The following BSCL2 variants were observed in gnomAD, a reference collection of about 807,000 sequenced individuals.
BSCL2 encodes the protein BSCL2 lipid droplet biogenesis associated, seipin.
BSCL2 carries 41 observed loss-of-function variants against 57.4 expected under a neutral mutation model. The observed-to-expected ratio is 0.71, with a 90% CI of 0.56 to 0.93. The LOEUF is 0.93. BSCL2 is among the 40% of genes least tolerant of loss of function. The pLI is 0.00. For synonymous variants in BSCL2, 237 were observed against 227.3 expected, an observed-to-expected ratio of 1.04 and a Z score of -0.38; for missense variants, 539 against 586.7, an observed-to-expected ratio of 0.92 and a Z score of 0.84.
upstream of BSCL2, chr11:62,707,486 C>A: frequency 3.1e-6 from 2 of 652,116 alleles, no homozygotes; most frequent in Non-Finnish European, 2.8e-6. Flanking sequence ...GCCCAGACCA[C>A]GCCATTTGAG....
At chr11:62,702,346 G>A (rs1315003642) in intron 3 of BSCL2, 122 bp downstream of exon 3, 9 of 885,328 alleles carry the variant, frequency 1.0e-5, no homozygotes, top group South Asian at 2.8e-5. Flanking sequence ...GATTACAGGC[G>A]TGAGCCACCG....
upstream of BSCL2, chr11:62,709,146 C>G: frequency 2.1e-6 from 1 of 476,896 alleles, no homozygotes; most frequent in Non-Finnish European, 4.1e-6. Flanking sequence ...CTCAGTCTCA[C>G]CTGGAGCTAC....
At chr11:62,694,828 T>C (rs1272978428) in intron 3 of BSCL2, 117 bp from the exon 4 acceptor site, 2 of 1,271,778 alleles carry the variant, frequency 1.6e-6, no homozygotes, top group Non-Finnish European at 2.2e-6. Flanking sequence ...ACAACCCTCT[T>C]GGGTAGCCTA....
At chr11:62,692,893 C>T (rs1045796236) in intron 4 of BSCL2, 96 bp from the exon 5 acceptor site, 12 of 1,533,800 alleles carry the variant, frequency 7.8e-6, no homozygotes, top group East Asian at 2.3e-5. Context: ...TCTATGAAGG[C>T]GGCTTCTTCC....
chr11:62,695,134 T>C (rs998164530), intron 3 of BSCL2, among the ~76,000 whole-genome samples: 1 of 152,202 alleles, frequency 6.6e-6, no homozygotes, highest in African/African-American at 2.4e-5. Flanking sequence ...TCTGGCACAG[T>C]CATCCTCGCT....
intron 4 of BSCL2, 148 bp downstream of exon 4, chr11:62,694,420 G>T: frequency 8.4e-7 from 1 of 1,191,246 alleles, no homozygotes; most frequent in Non-Finnish European, 1.2e-6. Flanking sequence ...GCCCAGGCCA[G>T]TCTTGAACTC....
upstream of BSCL2, chr11:62,708,487 T>C: frequency 8.2e-7 from 1 of 1,226,264 alleles, no homozygotes; most frequent in South Asian, 1.2e-5. Context: ...GTTCTTTCCT[T>C]CACTCCCTGA....
At chr11:62,695,102 G>C (rs1415039257) in intron 3 of BSCL2, among the ~76,000 whole-genome samples, 1 of 152,168 alleles carries the variant, frequency 6.6e-6, no homozygotes, top group Admixed American at 6.5e-5. Flanking sequence ...AGCACTGACA[G>C]TGCTCAGTCT....
At chr11:62,706,241 ACAGGGCTGC>A in intron 1 of BSCL2, 1 of 1,087,646 alleles carries the variant, frequency 9.2e-7, no homozygotes, top group Non-Finnish European at 1.1e-6. Context: ...GCCGGCTGCC[ACAGGGCTGC>A]CGACTCACCA....
Position 62,691,392 on chromosome 11 carries a change from C to T in BSCL2, c.893G>A (p.Cys298Tyr). 6.2e-7 allele frequency: 1 copy of T among 1,614,158 alleles called. No homozygotes were observed. Among genetic ancestry groups the T allele is most frequent in the Admixed American group, 1.7e-5 (1 of 60,012 alleles). Residue 298 changes from cysteine to tyrosine, a missense_variant, in exon 7 of 11, where the codon TGC becomes TAC. Physicochemically the swap from Cys to Tyr is radical, Grantham distance 194. Around this residue, in one of 3 missense-constraint regions of BSCL2, gnomAD observed 248 missense variants for 239.9 expected, o/e 1.03. Coordinates refer to ENST00000360796, the MANE Select transcript of BSCL2 (RefSeq NM_001122955.4). ...GTTGCTGGCAACACCTATGAAGGCG[C>T]AGGTCATCGGGAAGTTGTATAGCAG... ...RYLLYNFPMT[C>Y]AFIGVASNFT...
intron 3 of BSCL2, among the ~76,000 whole-genome samples, chr11:62,698,924 T>A (rs1590877773): frequency 6.6e-6 from 1 of 152,210 alleles, no homozygotes; most frequent in African/African-American, 2.4e-5. Context: ...TTATTTATTT[T>A]GAGATGGAGT....
upstream of BSCL2, chr11:62,707,787 T>A (rs1187429169): frequency 8.4e-5 from 22 of 262,114 alleles, no homozygotes; most frequent in Non-Finnish European, 1.5e-5. Context: ...TTTCGTATAG[T>A]CACTGCTTCT....
Position 62,707,136 on chromosome 11 carries a change from G to C in BSCL2, c.60C>G (p.Asp20Glu), listed in dbSNP as rs115116507. The part of the protein sequence containing the change: ...EEAGEKEVCG[D>E]QIKGPDKEEE... ...CCTCTTTGTCCGGTCCTTTGATCTG[G>C]TCTCCGCACACCTCTTTTTCCCCAG... Residue 20 changes from aspartate (D) to glutamate (E), a missense_variant, in exon 1 of 11, where the codon GAC becomes GAG. Physicochemically the swap from Asp to Glu is conservative, Grantham distance 45 (BLOSUM62 2). Around this residue, in one of 3 missense-constraint regions of BSCL2, gnomAD observed 218 missense variants for 224.8 expected, o/e 0.97. Transcript: ENST00000360796. 10,689 of 1,554,368 alleles carry C rather than the reference G, an allele frequency of 6.9e-3. 622 individuals are homozygous for C. In the African/African-American group the frequency reaches 0.13, roughly 19 times the overall value.
intron 3 of BSCL2, among the ~76,000 whole-genome samples, chr11:62,702,072 C>CTT (rs34474748): frequency 1.4e-3 from 207 of 147,350 alleles, no homozygotes; most frequent in Middle Eastern, 3.5e-3. Context: ...TCTTAGTCTC[C>CTT]TTTTTTTTTT....
At position 62,694,709 on chromosome 11, in the gene BSCL2, C is replaced by A. The variant is rs1256744350; in HGVS notation, c.489G>T (p.Val163=). ...CACGATACGGCTGTCCATACATCAG[C>A]ACCTGCCAAAGGTAGCCCCCATTTC... ...VSLTKGGRDR[V]LMYGQPYRVT... The change falls in exon 4 of 11, where the codon GTG becomes GTT. Residue 163 remains valine, a splice_region_variant and synonymous_variant. Coordinates refer to ENST00000360796, the MANE Select transcript of BSCL2 (RefSeq NM_001122955.4). 1 of 1,613,944 alleles carries A rather than the reference C, an allele frequency of 6.2e-7. No individual in the cohort carries two copies. Among genetic ancestry groups the A allele is most frequent in the African/African-American group, 1.3e-5 (1 of 74,918 alleles).
upstream of BSCL2, chr11:62,708,550 G>T: frequency 2.2e-6 from 3 of 1,384,664 alleles, no homozygotes; most frequent in South Asian, 1.3e-5. Context: ...CAGGCCTCTG[G>T]GGGGGATGAG....
intron 3 of BSCL2, among the ~76,000 whole-genome samples, chr11:62,700,893 C>T (rs777558259): frequency 1.1e-4 from 17 of 151,630 alleles, no homozygotes; most frequent in Non-Finnish European, 2.5e-4. Flanking sequence ...TTGGAGGTTG[C>T]AGTGAAGTGA....
At chr11:62,695,216 G>A (rs1017122434) in intron 3 of BSCL2, among the ~76,000 whole-genome samples, 2 of 152,142 alleles carry the variant, frequency 1.3e-5, no homozygotes, top group African/African-American at 4.8e-5. Flanking sequence ...CTCAGAGTAG[G>A]AAGGCTTCTT....
intron 3 of BSCL2, among the ~76,000 whole-genome samples, chr11:62,696,281 TGTG>T (rs1945459082): frequency 2.1e-5 from 3 of 145,154 alleles, no homozygotes; most frequent in African/African-American, 5.1e-5. Flanking sequence ...AAACTTTTTG[TGTG>T]TGTGTGTGTG....
Sources: gnomAD v4.1 joint callset for allele counts (sites outside exome capture counted in the v4.1 genomes callset) on GRCh38, gnomAD v4.1.1 for gene constraint, gnomAD v4.1.1 regional missense constraint, MANE v1.5 for transcripts, NCBI Gene and HGNC (gene_info 2026-07-23, HGNC 2026-07-21) for gene names.